Variants in ASCC2 observed in about 807,000 individuals in gnomAD.
ASCC2 encodes the protein ASC-1 complex subunit P100.
Under a neutral mutation model 93.5 loss-of-function variants are expected in ASCC2, and 42 were observed. That is an observed-to-expected ratio of 0.45 (90% confidence interval 0.35 to 0.58). The LOEUF (loss-of-function observed/expected upper bound fraction) is 0.58, where lower values mean the gene tolerates loss of function less well. Ranked by LOEUF, ASCC2 falls within the 20% of genes least tolerant of loss-of-function variation. The pLI is 0.00. For missense variants in ASCC2, 859 were observed against 977.6 expected, an observed-to-expected ratio of 0.88 and a Z score of 1.62; for synonymous variants, 364 against 384.2, an observed-to-expected ratio of 0.95 and a Z score of 0.62.
intron 1 of ASCC2, chr22:29,833,436 A>G (rs1338793369): frequency 2.8e-6 from 1 of 361,284 alleles, no homozygotes. Context: ...GAAGAAGGAC[A>G]TGGAAGAAGG....
intron 12 of ASCC2, among the ~76,000 whole-genome samples, 157 bp downstream of exon 12, chr22:29,806,059 G>T (rs986155979): frequency 6.6e-6 from 1 of 152,028 alleles, no homozygotes; most frequent in Non-Finnish European, 1.5e-5. Context: ...CTCTAGAAAA[G>T]GCAAGGCTGG....
intron 8 of ASCC2, among the ~76,000 whole-genome samples, chr22:29,809,649 G>A (rs1052299464): frequency 6.6e-6 from 1 of 151,554 alleles, no homozygotes; most frequent in Admixed American, 6.6e-5. Context: ...CATGGGGGCG[G>A]GCACCTGTAA....
At chr22:29,834,638 C>A in intron 1 of ASCC2, 1 of 449,266 alleles carries the variant, frequency 2.2e-6, no homozygotes, top group Non-Finnish European at 4.6e-6. Flanking sequence ...ATAATATCCT[C>A]TGCTGCACGT....
At chr22:29,836,429 G>C (rs1385479002) in intron 1 of ASCC2, 1 of 145,342 alleles carries the variant, frequency 6.9e-6, no homozygotes, top group Admixed American at 6.9e-5. Context: ...AAAGATTTTA[G>C]TATTTCACCT....
chr22:29,812,812 G>C (rs1479839434), intron 8 of ASCC2, among the ~76,000 whole-genome samples: 1 of 151,896 alleles, frequency 6.6e-6, no homozygotes, highest in African/African-American at 2.4e-5. Context: ...CTCCATGTTG[G>C]AGCACTCCTG....
chr22:29,794,565 C>T (rs2147430691), intron 15 of ASCC2, among the ~76,000 whole-genome samples: 1 of 152,256 alleles, frequency 6.6e-6, no homozygotes, highest in Middle Eastern at 3.4e-3. Flanking sequence ...AAGGCATCTG[C>T]CCTAAAGAAA....
intron 5 of ASCC2, among the ~76,000 whole-genome samples, chr22:29,820,985 A>G (rs1015768872): frequency 6.6e-6 from 1 of 151,460 alleles, no homozygotes; most frequent in African/African-American, 2.4e-5. Flanking sequence ...TTTTGTAACT[A>G]GGTATTTCGA....
chr22:29,821,359 C>T (rs1217379793), intron 5 of ASCC2, among the ~76,000 whole-genome samples: 1 of 152,206 alleles, frequency 6.6e-6, no homozygotes, highest in East Asian at 1.9e-4. Flanking sequence ...GACACAGTGC[C>T]ATCATCCCTG....
chr22:29,795,644 C>T (rs549640907), intron 15 of ASCC2, among the ~76,000 whole-genome samples: 1 of 152,294 alleles, frequency 6.6e-6, no homozygotes, highest in East Asian at 1.9e-4. Flanking sequence ...TTTGGAAGCC[C>T]AACTCTGGTC....
Position 29,816,038 on chromosome 22 carries a change from C to T in ASCC2, c.577G>A (p.Asp193Asn). 1 of 1,599,462 alleles carries T rather than the reference C, an allele frequency of 6.3e-7. No individual in the cohort carries two copies. The change falls in exon 6 of 20, where the codon GAC (aspartate) becomes AAC (asparagine). Residue 193 changes from aspartate to asparagine, a missense_variant. By Grantham distance (23) the Asp-to-Asn change is conservative. Transcript: ENST00000307790. ...ATGGTAGGCAGGGTTTCATCCAGGT[C>T]ACTGTAGTAACTTGGCTGCTGTGTA... ...IFTQQPSYYS[D>N]LDETLPTILQ...
At chr22:29,822,071 T>C (rs551246639) in intron 5 of ASCC2, 3 of 422,892 alleles carry the variant, frequency 7.1e-6, no homozygotes, top group African/African-American at 6.2e-5. Flanking sequence ...GTTCAAGTGA[T>C]TCTCCTGAAA....
chr22:29,791,993 C>G (rs980090277), intron 18 of ASCC2, among the ~76,000 whole-genome samples: 1 of 152,170 alleles, frequency 6.6e-6, no homozygotes, highest in African/African-American at 2.4e-5. Flanking sequence ...CTGTTCTGTA[C>G]GTTGAGGTTC....
At chr22:29,810,536 A>G (rs186430744) in intron 8 of ASCC2, among the ~76,000 whole-genome samples, 1 of 152,334 alleles carries the variant, frequency 6.6e-6, no homozygotes, top group East Asian at 1.9e-4. Flanking sequence ...AGTTTGGCCT[A>G]AACAGGTTCA....
Position 29,813,482 on chromosome 22 carries a change from C to A in ASCC2, c.781G>T (p.Asp261Tyr). Residue 261 changes from aspartate (D) to tyrosine (Y), a missense_variant, in exon 8 of 20, where the codon GAT (aspartate) becomes TAT (tyrosine). Physicochemically the swap from Asp to Tyr is radical, Grantham distance 160. Coordinates refer to ENST00000307790, the MANE Select transcript of ASCC2 (RefSeq NM_032204.5). ...DTCTTLWAFL[D>Y]IFPLACQTFQ... ...GTCTGGCAAGCCAAAGGGAAGATATCCAGAAAGGCCCAAAGTGTGGTGCAG... is the reference window on the plus strand; with the variant it reads ...GTCTGGCAAGCCAAAGGGAAGATATACAGAAAGGCCCAAAGTGTGGTGCAG... The A allele has an allele frequency of 1.2e-6, 2 of 1,614,152 alleles. No homozygotes were observed. The highest frequency in any genetic ancestry group is 1.7e-6 in the Non-Finnish European group (2 of 1,180,006).
At position 29,804,827 on chromosome 22, in the gene ASCC2, G is replaced by A. The variant is rs374049255; in HGVS notation, c.1164C>T (p.Asp388=). The change falls in exon 13 of 20, where the codon GAC becomes GAT. Residue 388 remains aspartate, a synonymous_variant. Coordinates refer to ENST00000307790, the MANE Select transcript of ASCC2 (RefSeq NM_032204.5). ...GGAGGATGTAGGCAGTCCGCGTCTC[G>A]TCCCTGTGAGGACTTGTTAAGGGGT... ...SLLQQASSVL[D]ETRTAYILQA... 6.4e-5 allele frequency: 104 copies of A among 1,612,986 alleles called. No individual in the cohort carries two copies. The highest frequency in any genetic ancestry group is 8.2e-5 in the Non-Finnish European group (97 of 1,179,086).
intron 15 of ASCC2, 48 bp downstream of exon 15, chr22:29,800,943 G>T: frequency 6.5e-7 from 1 of 1,542,084 alleles, no homozygotes; most frequent in Non-Finnish European, 8.8e-7. Flanking sequence ...TGTCCTCTCT[G>T]CACTTCCAGA....
chr22:29,801,175 T>A, intron 14 of ASCC2, 65 bp from the exon 15 acceptor site: 1 of 1,524,404 alleles, frequency 6.6e-7, no homozygotes. Context: ...TGCACCCCAC[T>A]TCCCCCTGCT....
At chr22:29,824,743 GA>G (rs60229316) in intron 4 of ASCC2, among the ~76,000 whole-genome samples, 37 of 147,962 alleles carry the variant, frequency 2.5e-4, no homozygotes, top group African/African-American at 3.9e-4. Context: ...TTAAAGTCAG[GA>G]AAAAAAAAAC....
At chr22:29,796,591 A>T (rs1179895360) in intron 15 of ASCC2, among the ~76,000 whole-genome samples, 1 of 152,108 alleles carries the variant, frequency 6.6e-6, no homozygotes, top group Admixed American at 6.6e-5. Context: ...CTTGATTTAG[A>T]CCAGGGAGAA....
Sources: allele counts gnomAD v4.1 joint callset (sites outside exome capture counted in the v4.1 genomes callset), GRCh38; gene constraint gnomAD v4.1.1; transcripts MANE v1.5; gene names NCBI Gene and HGNC (gene_info 2026-07-23, HGNC 2026-07-21).